Variants in ADGRB3 observed in about 807,000 individuals in gnomAD.
ADGRB3 encodes the protein adhesion G protein-coupled receptor B3, also known as brain-specific angiogenesis inhibitor 3.
In ADGRB3, 37 loss-of-function variants were observed where a neutral mutation model predicts 193.4. That is an observed-to-expected ratio of 0.19 (90% CI 0.15 to 0.25). ADGRB3 has a LOEUF of 0.25. Among genes scored for constraint, ADGRB3 ranks in the 10% least tolerant of loss-of-function variants. ADGRB3 has a pLI of 1.00. For synonymous variants in ADGRB3, 690 were observed against 644.2 expected (o/e 1.07, Z -1.08); for missense variants, 1,637 against 1,852.9 (o/e 0.88, Z 2.14).
At chr6:69,096,494 A>G (rs1772881515) in intron 17 of ADGRB3, among the ~76,000 whole-genome samples, 1 of 151,934 alleles carries the variant, frequency 6.6e-6, no homozygotes, top group Admixed American at 6.6e-5. Context: ...CCACTAAAAT[A>G]CTTATAAATA....
At chr6:68,722,119 C>G (rs1429572962) in intron 3 of ADGRB3, among the ~76,000 whole-genome samples, 1 of 151,554 alleles carries the variant, frequency 6.6e-6, no homozygotes, top group Non-Finnish European at 1.5e-5. Flanking sequence ...CTTTTGAAAT[C>G]TATGTATGAT....
intron 8 of ADGRB3, among the ~76,000 whole-genome samples, chr6:68,971,662 C>G (rs1393652022): frequency 6.6e-6 from 1 of 152,228 alleles, no homozygotes; most frequent in Admixed American, 6.5e-5. Flanking sequence ...ACAGGGATGA[C>G]TGTATGTGTT....
intron 4 of ADGRB3, among the ~76,000 whole-genome samples, chr6:68,933,052 A>G (rs1286043159): frequency 6.6e-6 from 1 of 150,384 alleles, no homozygotes; most frequent in Non-Finnish European, 1.5e-5. Context: ...CTAATAGCCT[A>G]TCATGCAATC....
intron 17 of ADGRB3, 85 bp downstream of exon 17, chr6:69,076,123 G>T: frequency 8.4e-7 from 1 of 1,189,306 alleles, no homozygotes; most frequent in Admixed American, 1.9e-5. Flanking sequence ...TAGTTAACAG[G>T]AATATAAGTC....
intron 3 of ADGRB3, among the ~76,000 whole-genome samples, chr6:68,709,889 G>T (rs189764372): frequency 1.3e-5 from 2 of 152,302 alleles, no homozygotes; most frequent in Non-Finnish European, 2.9e-5. Flanking sequence ...TGTTTGAGAA[G>T]CTGAAAACCA....
At chr6:69,193,308 G>C (rs956637627) in intron 17 of ADGRB3, among the ~76,000 whole-genome samples, 4 of 152,082 alleles carry the variant, frequency 2.6e-5, no homozygotes, top group African/African-American at 9.7e-5. Context: ...CTAGATGGCA[G>C]GTACTTGTCA....
intron 17 of ADGRB3, among the ~76,000 whole-genome samples, chr6:69,132,083 A>T (rs1774027345): frequency 6.6e-6 from 1 of 152,184 alleles, no homozygotes; most frequent in African/African-American, 2.4e-5. Context: ...GCTGCAATAA[A>T]CATACGAGTG....
chr6:68,954,615 G>T (rs1001805605), intron 6 of ADGRB3, among the ~76,000 whole-genome samples: 2 of 151,290 alleles, frequency 1.3e-5, no homozygotes, highest in Non-Finnish European at 2.9e-5. Context: ...TCTGTAATTT[G>T]TTCTCAATCC....
intron 3 of ADGRB3, among the ~76,000 whole-genome samples, chr6:68,858,063 T>C (rs1765037627): frequency 6.6e-6 from 1 of 152,236 alleles, no homozygotes; most frequent in Non-Finnish European, 1.5e-5. Context: ...CTCATCCATG[T>C]TGAACTGTGA....
At chr6:68,854,212 G>A (rs1562057730) in intron 3 of ADGRB3, among the ~76,000 whole-genome samples, 1 of 152,080 alleles carries the variant, frequency 6.6e-6, no homozygotes, top group Non-Finnish European at 1.5e-5. Context: ...TCTGGCTATG[G>A]CTGTTAAATA....
At chr6:68,866,937 G>T (rs1765312405) in intron 3 of ADGRB3, among the ~76,000 whole-genome samples, 1 of 152,224 alleles carries the variant, frequency 6.6e-6, no homozygotes, top group Admixed American at 6.5e-5. Flanking sequence ...TTCACAAAGA[G>T]ATGGTCTGAA....
chr6:69,281,575 C>G (rs1052901021), intron 20 of ADGRB3, among the ~76,000 whole-genome samples: 4 of 152,150 alleles, frequency 2.6e-5, no homozygotes, highest in Admixed American at 2.6e-4. Flanking sequence ...GCTTTTAGCC[C>G]ATCTGCACCT....
At chr6:68,815,414 A>G (rs1767611465) in intron 3 of ADGRB3, among the ~76,000 whole-genome samples, 1 of 152,166 alleles carries the variant, frequency 6.6e-6, no homozygotes, top group Non-Finnish European at 1.5e-5. Flanking sequence ...ATTGTCTAAC[A>G]TTTATGAAAG....
chr6:69,230,757 C>G (rs1420599745), intron 17 of ADGRB3, among the ~76,000 whole-genome samples: 1 of 152,220 alleles, frequency 6.6e-6, no homozygotes, highest in African/African-American at 2.4e-5. Flanking sequence ...TACCCACCCC[C>G]CTCCTCACCT....
At chr6:69,185,799 A>G (rs575238085) in intron 17 of ADGRB3, among the ~76,000 whole-genome samples, 1 of 152,310 alleles carries the variant, frequency 6.6e-6, no homozygotes, top group South Asian at 2.1e-4. Flanking sequence ...AGAAGCAATT[A>G]ACATATTGTG....
intron 6 of ADGRB3, among the ~76,000 whole-genome samples, chr6:68,951,365 C>A (rs192560890): frequency 7.2e-5 from 11 of 152,194 alleles, no homozygotes; most frequent in African/African-American, 1.7e-4. Flanking sequence ...CCTGAGACTG[C>A]CTGAGCACTC....
chr6:69,067,239 A>G (rs1302572131), intron 16 of ADGRB3, among the ~76,000 whole-genome samples: 1 of 152,046 alleles, frequency 6.6e-6, no homozygotes, highest in Non-Finnish European at 1.5e-5. Context: ...TAAATGCGTT[A>G]TGTTTGTAGT....
intron 3 of ADGRB3, among the ~76,000 whole-genome samples, chr6:68,819,258 T>C (rs1767702224): frequency 6.6e-6 from 1 of 152,034 alleles, no homozygotes; most frequent in Admixed American, 6.6e-5. Flanking sequence ...CCCATTCTTA[T>C]TGCAGCCACC....
intron 3 of ADGRB3, among the ~76,000 whole-genome samples, chr6:68,779,659 A>G (rs1187520232): frequency 1.3e-5 from 2 of 152,100 alleles, no homozygotes; most frequent in Non-Finnish European, 2.9e-5. Context: ...AAATTAATCT[A>G]GGCTAATCAC....
Sources: gnomAD v4.1 joint callset for allele counts (sites outside exome capture counted in the v4.1 genomes callset) on GRCh38, gnomAD v4.1.1 for gene constraint, MANE v1.5 for transcripts, NCBI Gene and HGNC (gene_info 2026-07-23, HGNC 2026-07-21) for gene names.